SKA2: variants seen among roughly 807,000 people sequenced by gnomAD.
SKA2 encodes spindle and kinetochore associated complex subunit 2.
SKA2 carries 13 observed loss-of-function variants against 16.9 expected under a neutral mutation model. The observed-to-expected ratio is 0.77, with a 90% CI of 0.50 to 1.22. SKA2 has a LOEUF of 1.22. Ranked by LOEUF, SKA2 falls within the 50% of genes most tolerant of loss-of-function variation. The probability of loss-of-function intolerance (pLI) is 0.00; values close to 1 mark genes in which losing one functional copy is unlikely to be tolerated. For missense variants in SKA2, 107 were observed against 139.7 expected (o/e 0.77, Z 1.18); for synonymous variants, 47 against 48.5 (o/e 0.97, Z 0.13).
chr17:59,147,599 C>A (rs1049424478), intron 1 of SKA2, among the ~76,000 whole-genome samples: 7 of 151,710 alleles, frequency 4.6e-5, no homozygotes, highest in Non-Finnish European at 8.8e-5. Context: ...GCGTTTAGAA[C>A]CCATGTTGTA....
intron 1 of SKA2, among the ~76,000 whole-genome samples, chr17:59,152,901 A>C (rs1460464286): frequency 2.0e-5 from 3 of 152,018 alleles, no homozygotes. Flanking sequence ...CAAGGATGTA[A>C]GAAAGGAAAA....
At chr17:59,128,755 G>A (rs1417934600) in intron 2 of SKA2, among the ~76,000 whole-genome samples, 1 of 152,108 alleles carries the variant, frequency 6.6e-6, no homozygotes, top group Non-Finnish European at 1.5e-5. Context: ...TCGTCTTTGG[G>A]AGCTTGCAGG....
chr17:59,136,458 C>A (rs2046445814), intron 1 of SKA2, among the ~76,000 whole-genome samples: 1 of 152,128 alleles, frequency 6.6e-6, no homozygotes, highest in East Asian at 1.9e-4. Flanking sequence ...ACCACTGTGC[C>A]TGGCCAGTAC....
At chr17:59,116,826 T>C (rs2046299726) in intron 3 of SKA2, among the ~76,000 whole-genome samples, 1 of 140,152 alleles carries the variant, frequency 7.1e-6, no homozygotes, top group Non-Finnish European at 1.5e-5. Context: ...TTTTTTTTTT[T>C]TTTTTTTTTT....
At chr17:59,112,393 T>A in intron 3 of SKA2, 48 bp from the exon 4 acceptor site, 1 of 1,424,702 alleles carries the variant, frequency 7.0e-7, no homozygotes, top group Non-Finnish European at 9.8e-7. Context: ...TTCAAAGACT[T>A]AAATCAGTTT....
chr17:59,131,985 A>G (rs190667859), intron 1 of SKA2, among the ~76,000 whole-genome samples: 5 of 152,338 alleles, frequency 3.3e-5, no homozygotes, highest in Non-Finnish European at 7.3e-5. Flanking sequence ...TCAAAGGAAG[A>G]AAAAAGGGGA....
At chr17:59,117,542 C>T (rs1488546897) in intron 3 of SKA2, among the ~76,000 whole-genome samples, 1 of 152,016 alleles carries the variant, frequency 6.6e-6, no homozygotes, top group African/African-American at 2.4e-5. Flanking sequence ...GCATGCACTC[C>T]CATGCCCAGT....
At chr17:59,114,715 C>G (rs184961409) in intron 3 of SKA2, among the ~76,000 whole-genome samples, 1 of 152,250 alleles carries the variant, frequency 6.6e-6, no homozygotes, top group African/African-American at 2.4e-5. Flanking sequence ...AGAAGGGAGG[C>G]TGAAGGGAAG....
intron 1 of SKA2, among the ~76,000 whole-genome samples, chr17:59,135,936 C>T (rs931559718): frequency 6.6e-6 from 1 of 151,508 alleles, no homozygotes; most frequent in African/African-American, 2.4e-5. Context: ...GTCCCAGTTA[C>T]TTAAAGAGCT....
chr17:59,155,121 T>G lies in SKA2; in HGVS notation c.33+10A>C, dbSNP rs1439935235. The G allele has an allele frequency of 3.1e-6, 5 of 1,613,942 alleles. No homozygotes were observed. In the South Asian group the frequency reaches 4.4e-5, roughly 14 times the overall value. On this transcript the variant is annotated intron_variant, in intron 1 of 3. Transcript: ENST00000330137. ...AACTACCCAGTAGATCTCCTTCACT[T>G]TGCACTCACCATCAGTTCCAGCTTA... is the stretch of plus-strand genomic sequence containing the variant.
chr17:59,153,913 A>C (rs1242184890), intron 1 of SKA2, among the ~76,000 whole-genome samples: 1 of 151,966 alleles, frequency 6.6e-6, no homozygotes, highest in African/African-American at 2.4e-5. Flanking sequence ...CTGGGACTAC[A>C]GGCGCGTGCC....
rs971112884 is a variant in SKA2, at chr17:59,115,248, G to A, written c.298-2903C>T. Among the ~76,000 whole-genome samples the A allele has an allele frequency of 4.6e-5, 7 of 151,722 alleles. No homozygotes were observed. In the East Asian group the frequency reaches 5.8e-4, roughly 13 times the overall value. ...TTTTGTATTTCTTTAGTAGAGACGGGGGTTTCACCGTGTTGGCCAGGCTGG... is the reference window on the plus strand; with the variant it reads ...TTTTGTATTTCTTTAGTAGAGACGGAGGTTTCACCGTGTTGGCCAGGCTGG... On this transcript the variant is annotated intron_variant, in intron 3 of 3. Transcript: ENST00000330137.
rs538382984 is a variant in SKA2 at position 59,143,236 on chromosome 17, C to G, written c.34-11869G>C. On this transcript the variant is annotated intron_variant, in intron 1 of 3. Coordinates refer to ENST00000330137, the MANE Select transcript of SKA2 (RefSeq NM_182620.4). Reference sequence around the variant, plus strand: ...TTCTTTTTTTTTTGAGAGAGTCTCACTCTGTCACCCAGGCTGGAGTGCAGT... The same window carrying G: ...TTCTTTTTTTTTTGAGAGAGTCTCAGTCTGTCACCCAGGCTGGAGTGCAGT... Among the ~76,000 whole-genome samples the G allele has an allele frequency of 3.3e-5, 5 of 150,978 alleles. No individual in the cohort carries two copies. The East Asian group carries it at 7.9e-4, about 24-fold the overall frequency.
chr17:59,144,243 T>TAA (rs1160207976), intron 1 of SKA2, among the ~76,000 whole-genome samples: 7 of 125,174 alleles, frequency 5.6e-5, no homozygotes, highest in Non-Finnish European at 1.1e-4. Context: ...ATAGTCACCA[T>TAA]AAAAAAAAAA....
At chr17:59,114,120 A>G (rs2046281598) in intron 3 of SKA2, among the ~76,000 whole-genome samples, 1 of 152,132 alleles carries the variant, frequency 6.6e-6, no homozygotes, top group Non-Finnish European at 1.5e-5. Context: ...CTTCCAGACT[A>G]TCCTTACTCA....
At chr17:59,142,113 T>G (rs1464505906) in intron 1 of SKA2, among the ~76,000 whole-genome samples, 1 of 152,130 alleles carries the variant, frequency 6.6e-6, no homozygotes, top group Non-Finnish European at 1.5e-5. Context: ...CATCATGAAG[T>G]CATGACAAAC....
intron 1 of SKA2, among the ~76,000 whole-genome samples, chr17:59,141,954 T>C (rs1254565279): frequency 6.6e-6 from 1 of 152,036 alleles, no homozygotes; most frequent in African/African-American, 2.4e-5. Context: ...TTTGAACCCA[T>C]GAGATATTCT....
chr17:59,118,692 A>G (rs1368574969), intron 3 of SKA2, among the ~76,000 whole-genome samples: 1 of 152,042 alleles, frequency 6.6e-6, no homozygotes, highest in African/African-American at 2.4e-5. Context: ...TCCTTCCTCC[A>G]TCATTCATCT....
chr17:59,135,153 T>C (rs1044969496), intron 1 of SKA2, among the ~76,000 whole-genome samples: 1 of 151,948 alleles, frequency 6.6e-6, no homozygotes, highest in Admixed American at 6.6e-5. Flanking sequence ...GAGAGAGGTT[T>C]CCACTATGGT....
Sources: gnomAD v4.1 joint callset for allele counts (sites outside exome capture counted in the v4.1 genomes callset) on GRCh38, gnomAD v4.1.1 for gene constraint, MANE v1.5 for transcripts, NCBI Gene and HGNC (gene_info 2026-07-23, HGNC 2026-07-21) for gene names.